DHX37: variants seen among roughly 807,000 people sequenced by gnomAD.
The protein encoded by DHX37 is probable ATP-dependent RNA helicase DHX37.
DHX37 carries 52 observed loss-of-function variants against 134.3 expected under a neutral mutation model. That is an observed-to-expected ratio of 0.39 (90% CI 0.31 to 0.49). The LOEUF is 0.49. DHX37 is among the 20% of genes least tolerant of loss of function. DHX37 has a pLI of 0.93. For synonymous variants in DHX37, 634 were observed against 670.7 expected (o/e 0.95, Z 0.85); for missense variants, 1,344 against 1,580.8 (o/e 0.85, Z 2.54).
chr12:124,988,393 G>A (rs7297355), intron 1 of DHX37, among the ~76,000 whole-genome samples: 121,224 of 151,988 alleles, frequency 0.8, 49,410 homozygotes, highest in East Asian at 1. Context: ...CACTATAGCC[G>A]CATAAATTTC....
intron 8 of DHX37, among the ~76,000 whole-genome samples, chr12:124,971,093 T>C (rs547470581): frequency 2.2e-4 from 33 of 152,138 alleles, no homozygotes; most frequent in Admixed American, 3.3e-4. Flanking sequence ...ACCGGGGCGG[T>C]GGGGAGGGGA....
rs371053198 is a variant in DHX37, at chr12:124,950,427, C to T, written c.3107G>A (p.Arg1036Gln). 5.0e-6 allele frequency: 8 copies of T among 1,598,238 alleles called. No homozygotes were observed. The East Asian group carries it at 6.7e-5, about 13-fold the overall frequency. Residue 1036 changes from arginine to glutamine, a missense_variant, in exon 23 of 27, where the codon CGG becomes CAG. Transcript: ENST00000308736. ...CPERGRVLCH[R>Q]ASVFYRVGWP... is the part of the protein sequence containing the mutation. ...CCCCAACTCACAGAACACGCTGGCC[C>T]GGTGACACAGCACCCGCCCCCGCTC...
chr12:124,953,098 C>T (rs1954007653), intron 20 of DHX37: 1 of 152,466 alleles, frequency 6.6e-6, no homozygotes, highest in Non-Finnish European at 1.5e-5. Flanking sequence ...ACTCAAGTGA[C>T]TTCTCTTCCT....
At position 124,973,638 on chromosome 12, in the gene DHX37, C is replaced by CTTTTTT. The variant is rs71092252; in HGVS notation, c.981-1045_981-1040dup. 3.2e-4 allele frequency among the ~76,000 whole-genome samples: 33 copies of CTTTTTT among 102,872 alleles called. 9 individuals are homozygous for CTTTTTT. The highest frequency in any genetic ancestry group is 3.4e-4 in the African/African-American group (9 of 26,276). The allele number at this position is 102,872 out of a possible 152,430, so 67.5% of individuals were successfully genotyped here. On this transcript the variant is annotated intron_variant, in intron 6 of 26. Coordinates refer to ENST00000308736, the MANE Select transcript of DHX37 (RefSeq NM_032656.4). ...TTATGTATATGCGCCCCCCCCAACG[C>CTTTTTT]TTTTTTTTTTTTTTTTTTTTGAGAT...
intron 3 of DHX37, among the ~76,000 whole-genome samples, chr12:124,981,128 G>T (rs973691571): frequency 4.6e-5 from 7 of 152,148 alleles, no homozygotes; most frequent in African/African-American, 1.4e-4. Context: ...GGACACAGAT[G>T]CACTCGCCTG....
intron 15 of DHX37, among the ~76,000 whole-genome samples, chr12:124,961,188 GCA>G (rs144846639): frequency 1.7e-3 from 177 of 103,634 alleles, no homozygotes; most frequent in East Asian, 7.7e-3. Flanking sequence ...ATGCGCGCAC[GCA>G]CACACACACA....
intron 2 of DHX37, among the ~76,000 whole-genome samples, chr12:124,984,394 G>T (rs959357048): frequency 6.6e-6 from 1 of 152,100 alleles, no homozygotes; most frequent in Non-Finnish European, 1.5e-5. Flanking sequence ...TTAGCCGGAC[G>T]TGGTGGTGCA....
At chr12:124,968,429 A>G in intron 10 of DHX37, 105 bp downstream of exon 10, 3 of 1,545,046 alleles carry the variant, frequency 1.9e-6, no homozygotes, top group Non-Finnish European at 2.6e-6. Flanking sequence ...TGGCAGGGTC[A>G]AGGGACTTTT....
chr12:124,964,870 A>T (rs1954344722), intron 14 of DHX37, 60 bp downstream of exon 14: 1 of 1,527,646 alleles, frequency 6.5e-7, no homozygotes, highest in African/African-American at 1.4e-5. Context: ...GGCTTGACCA[A>T]CCCCACTGTA....
At chr12:124,954,555 G>A (rs867175067) in intron 18 of DHX37, among the ~76,000 whole-genome samples, 2 of 151,990 alleles carry the variant, frequency 1.3e-5, no homozygotes, top group African/African-American at 2.4e-5. Flanking sequence ...CACCAGGCCC[G>A]GCTAAGTTTT....
chr12:124,965,510 T>C (rs927445409), intron 13 of DHX37, among the ~76,000 whole-genome samples, 158 bp downstream of exon 13: 28 of 152,262 alleles, frequency 1.8e-4, no homozygotes, highest in Non-Finnish European at 3.5e-4. Flanking sequence ...ACATGGCAAA[T>C]GTTTGAGGCC....
In DHX37 at chr12:124,950,763, G is replaced by A. The variant is rs115221248; in HGVS notation, c.2910C>T (p.Ser970=). ...ACTCGGGGAGCTCTTTGAAAAGGAC[G>A]GAGCTGGGGTGGATGAAGACAGGGT... ...LDDPVFIHPS[S]VLFKELPEFV... The change falls in exon 22 of 27, where the codon TCC becomes TCT. Residue 970 remains serine, a synonymous_variant. Transcript: ENST00000308736. 26 of 1,609,410 alleles carry A rather than the reference G, an allele frequency of 1.6e-5. No individual in the cohort carries two copies. In the African/African-American group the frequency reaches 1.7e-4, roughly 11 times the overall value.
intron 15 of DHX37, among the ~76,000 whole-genome samples, chr12:124,961,264 A>ATACACGCGTGCACGCACACACACT (rs201836304): frequency 4.0e-5 from 5 of 125,202 alleles, no homozygotes; most frequent in African/African-American, 1.9e-4. Context: ...ACGCACACAC[A>ATACACGCGTGCACGCACACACACT]TACACGCGTG....
rs536491190 is a variant in DHX37 at position 124,950,581 on chromosome 12, A to G, written c.2984-31T>C. On this transcript the variant is annotated intron_variant, in intron 22 of 26. Transcript: ENST00000308736. Reference sequence around the variant, plus strand: ...GGCCGGGGGAGGAAGCTGGGGTTACAGCGGCACCCTCCGTGGGAGGGGCTG... The same window carrying G: ...GGCCGGGGGAGGAAGCTGGGGTTACGGCGGCACCCTCCGTGGGAGGGGCTG... The G allele has an allele frequency of 4.5e-4, 702 of 1,548,486 alleles. 3 individuals are homozygous for G. Among genetic ancestry groups the G allele is most frequent in the Non-Finnish European group, 5.5e-4 (630 of 1,147,460 alleles).
At position 124,949,919 on chromosome 12, in the gene DHX37, C is replaced by T; in HGVS notation, c.3290+67G>A. 6.7e-7 allele frequency: 1 copy of T among 1,500,924 alleles called. No homozygotes were observed. Among genetic ancestry groups the T allele is most frequent in the African/African-American group, 1.4e-5 (1 of 72,268 alleles). 93.0% of individuals were successfully genotyped at this position (1,500,924 alleles called of 1,614,324 possible). A position where few individuals can be genotyped will look rare whatever the true frequency, so the allele number is the denominator to read the frequency against. On this transcript the variant is annotated intron_variant, in intron 25 of 26. Coordinates refer to ENST00000308736, the MANE Select transcript of DHX37 (RefSeq NM_032656.4). This position sits in a 1 kb window ranked among gnomAD's most constrained non-coding sequence, Gnocchi z 4.0. ...TGTGTGTGGTGCTTTGTCCTGGCAG[C>T]CCCGGGGAGGTCATTCAGGCCTCGG...
chr12:124,972,446 A>C lies in DHX37; in HGVS notation c.1077+57T>G, dbSNP rs931865014. ...CTGCTCATATCCCAGGTGACATCCT[A>C]GCATCCCGCCCCCATGCCCACTGGC... On this transcript the variant is annotated intron_variant, in intron 7 of 26. Coordinates refer to ENST00000308736, the MANE Select transcript of DHX37 (RefSeq NM_032656.4). 6.3e-6 allele frequency: 10 copies of C among 1,581,632 alleles called. No homozygotes were observed. The South Asian group carries it at 1.1e-4, about 17-fold the overall frequency.
chr12:124,985,394 C>T (rs1029170472), intron 2 of DHX37, among the ~76,000 whole-genome samples: 5 of 151,980 alleles, frequency 3.3e-5, no homozygotes, highest in Non-Finnish European at 7.4e-5. Context: ...GTTTGAATTT[C>T]CCTTGCAAAT....
chr12:124,956,620 C>A, intron 18 of DHX37, 71 bp downstream of exon 18: 3 of 1,463,660 alleles, frequency 2.0e-6, no homozygotes, highest in Non-Finnish European at 2.7e-6. Context: ...TCCTGAGTAG[C>A]TGGGACTCTC....
At chr12:124,985,844 GA>G (rs1954861932) in intron 2 of DHX37, among the ~76,000 whole-genome samples, 1 of 147,908 alleles carries the variant, frequency 6.8e-6, no homozygotes. Context: ...AAAAAAAGAA[GA>G]AAAAACAAGG....
Sources: gnomAD v4.1 joint callset for allele counts (sites outside exome capture counted in the v4.1 genomes callset) on GRCh38, gnomAD v4.1.1 for gene constraint, Gnocchi (gnomAD v3.1) non-coding constraint, MANE v1.5 for transcripts, NCBI Gene and HGNC (gene_info 2026-07-23, HGNC 2026-07-21) for gene names.